The following MICU1 variants were observed in gnomAD, a reference collection of about 807,000 sequenced individuals.
The protein encoded by MICU1 is mitochondrial calcium uptake 1, also known as calcium uptake protein 1, mitochondrial.
A neutral mutation model predicts 56.8 loss-of-function variants in MICU1; 45 were observed. That is an observed-to-expected ratio of 0.79 (90% CI 0.62 to 1.02). The LOEUF is 1.02. Among genes scored for constraint, MICU1 ranks in the 50% least tolerant of loss-of-function variants. The probability of loss-of-function intolerance (pLI) is 0.00; values close to 1 mark genes in which losing one functional copy is unlikely to be tolerated. For missense variants in MICU1, 504 were observed against 587.1 expected, an observed-to-expected ratio of 0.86 and a Z score of 1.46; for synonymous variants, 186 against 195.1, an observed-to-expected ratio of 0.95 and a Z score of 0.39.
chr10:72,377,797 A>C (rs1862573190), intron 10 of MICU1, among the ~76,000 whole-genome samples: 1 of 152,206 alleles, frequency 6.6e-6, no homozygotes, highest in South Asian at 2.1e-4. Context: ...CTTAAACTAG[A>C]ACCACTGTGC....
chr10:72,369,767 G>A (rs1862266363), intron 11 of MICU1, among the ~76,000 whole-genome samples: 1 of 152,002 alleles, frequency 6.6e-6, no homozygotes, highest in African/African-American at 2.4e-5. Flanking sequence ...GGAGTGCAGT[G>A]GCGCGATCTC....
intron 1 of MICU1, among the ~76,000 whole-genome samples, chr10:72,625,302 T>C (rs1321384984): frequency 6.6e-6 from 1 of 152,076 alleles, no homozygotes; most frequent in Admixed American, 6.5e-5. Context: ...ACATGGAAAA[T>C]TGGAAGGTAA....
intron 1 of MICU1, among the ~76,000 whole-genome samples, chr10:72,604,579 CTT>C (rs911426871): frequency 9.7e-5 from 14 of 144,650 alleles, no homozygotes; most frequent in Admixed American, 1.4e-4. Flanking sequence ...GGCCTTCTGC[CTT>C]TTTTTTTTTT....
intron 8 of MICU1, among the ~76,000 whole-genome samples, chr10:72,461,208 A>G (rs1865629715): frequency 6.6e-6 from 1 of 152,324 alleles, no homozygotes; most frequent in East Asian, 1.9e-4. Flanking sequence ...ACGATCTATC[A>G]ATTTAAGCCT....
At chr10:72,576,955 T>C (rs1270004920) in intron 1 of MICU1, among the ~76,000 whole-genome samples, 1 of 151,950 alleles carries the variant, frequency 6.6e-6, no homozygotes, top group Non-Finnish European at 1.5e-5. Context: ...AACCAACAAG[T>C]GGATAAAGAA....
In MICU1 at chr10:72,368,087, A is replaced by T. The variant is rs753669636; in HGVS notation, c.*108T>A. The T allele has an allele frequency of 7.2e-5, 86 of 1,195,158 alleles. No individual in the cohort carries two copies. The highest frequency in any genetic ancestry group is 8.8e-5 in the Non-Finnish European group (75 of 855,498). The allele number at this position is 1,195,158 out of a possible 1,614,324, so 74.0% of individuals were successfully genotyped here. A position where few individuals can be genotyped will look rare whatever the true frequency, so the allele number is the denominator to read the frequency against. On this transcript the variant is annotated 3_prime_UTR_variant, in exon 12 of 12. Transcript: ENST00000361114. Reference sequence around the variant, plus strand: ...GACAGAGTCCTGAGGTCATCCCGGGAGGAAGGGGGACTACTTCCAGAAGCA... The same window carrying T: ...GACAGAGTCCTGAGGTCATCCCGGGTGGAAGGGGGACTACTTCCAGAAGCA...
At chr10:72,538,950 C>T (rs1839702237) in intron 4 of MICU1, among the ~76,000 whole-genome samples, 1 of 151,580 alleles carries the variant, frequency 6.6e-6, no homozygotes, top group African/African-American at 2.4e-5. Context: ...AGTAGCTATA[C>T]CCAGATAAAA....
intron 8 of MICU1, among the ~76,000 whole-genome samples, chr10:72,466,899 G>GA (rs1865809511): frequency 6.6e-6 from 1 of 152,192 alleles, no homozygotes; most frequent in Non-Finnish European, 1.5e-5. Context: ...GGTGATTCTA[G>GA]AATCTCTTTA....
intron 6 of MICU1, among the ~76,000 whole-genome samples, chr10:72,493,074 G>A (rs1330383193): frequency 3.3e-5 from 5 of 152,182 alleles, no homozygotes; most frequent in Non-Finnish European, 7.3e-5. Context: ...CCAAAATTGT[G>A]CCATTGCACT....
chr10:72,527,382 G>GT (rs1867995064), intron 5 of MICU1, among the ~76,000 whole-genome samples: 3 of 150,282 alleles, frequency 2.0e-5, no homozygotes, highest in Non-Finnish European at 3.0e-5. Context: ...GTTTTGTTTT[G>GT]TTTTTTTGAG....
intron 8 of MICU1, among the ~76,000 whole-genome samples, chr10:72,468,592 T>C (rs1344757236): frequency 6.6e-6 from 1 of 151,750 alleles, no homozygotes; most frequent in Non-Finnish European, 1.5e-5. Context: ...TTTTTGTGAG[T>C]TCCCAAATAA....
intron 10 of MICU1, among the ~76,000 whole-genome samples, chr10:72,389,618 A>T (rs1488598807): frequency 6.6e-6 from 1 of 152,228 alleles, no homozygotes; most frequent in Non-Finnish European, 1.5e-5. Flanking sequence ...ACCAGGGACT[A>T]TATTTGTGTG....
intron 10 of MICU1, among the ~76,000 whole-genome samples, chr10:72,378,702 T>C (rs1257898635): frequency 1.3e-5 from 2 of 152,160 alleles, no homozygotes; most frequent in Non-Finnish European, 2.9e-5. Flanking sequence ...GGTAATGCGG[T>C]AGAAAACAAG....
chr10:72,579,342 G>A (rs1183287701), intron 1 of MICU1, among the ~76,000 whole-genome samples: 2 of 152,080 alleles, frequency 1.3e-5, no homozygotes, highest in Non-Finnish European at 2.9e-5. Flanking sequence ...GCTTCTCATG[G>A]CTTCCTCACT....
intron 10 of MICU1, among the ~76,000 whole-genome samples, chr10:72,402,770 G>A (rs1021766454): frequency 8.5e-5 from 13 of 152,128 alleles, no homozygotes; most frequent in African/African-American, 2.7e-4. Flanking sequence ...TCGGCTGGGC[G>A]GCATGGTGGC....
intron 6 of MICU1, among the ~76,000 whole-genome samples, chr10:72,495,697 T>C (rs1480664147): frequency 7.0e-6 from 1 of 143,486 alleles, no homozygotes; most frequent in Admixed American, 6.9e-5. Flanking sequence ...GCTACCGTAA[T>C]AAAGAAATTA....
chr10:72,582,036 T>G (rs763889403), intron 1 of MICU1, among the ~76,000 whole-genome samples: 35 of 152,288 alleles, frequency 2.3e-4, no homozygotes, highest in Non-Finnish European at 5.1e-4. Context: ...TTCAAGTGAT[T>G]CTCCTGCCTC....
At chr10:72,485,016 G>A (rs76640228) in intron 6 of MICU1, among the ~76,000 whole-genome samples, 6,783 of 152,204 alleles carry the variant, frequency 0.045, 501 homozygotes, top group African/African-American at 0.15. Flanking sequence ...AGTTGTGACA[G>A]AGACATTATC....
intron 4 of MICU1, among the ~76,000 whole-genome samples, chr10:72,548,175 A>C (rs924348333): frequency 6.7e-6 from 1 of 149,990 alleles, no homozygotes; most frequent in African/African-American, 2.5e-5. Context: ...GTCAGGCTGC[A>C]ACACTGTACA....
Sources: gnomAD v4.1 joint callset for allele counts (sites outside exome capture counted in the v4.1 genomes callset) on GRCh38, gnomAD v4.1.1 for gene constraint, MANE v1.5 for transcripts, NCBI Gene and HGNC (gene_info 2026-07-23, HGNC 2026-07-21) for gene names.